The following PTPN14 variants were observed in gnomAD, a reference collection of about 807,000 sequenced individuals.
PTPN14 encodes the protein protein tyrosine phosphatase non-receptor type 14.
PTPN14 carries 53 observed loss-of-function variants against 126.8 expected under a neutral mutation model. The ratio of observed to expected loss-of-function variants is 0.42; its 90% CI spans 0.34 to 0.53. PTPN14 has a LOEUF of 0.53. Among genes scored for constraint, PTPN14 ranks in the 20% least tolerant of loss-of-function variants. The pLI, the probability that PTPN14 is intolerant of heterozygous loss-of-function variation, is 0.08. For missense variants in PTPN14, 1,257 were observed against 1,552.9 expected (o/e 0.81, Z 3.20); for synonymous variants, 630 against 599.3 (o/e 1.05, Z -0.75).
rs1439276235 is a variant in PTPN14, at chr1:214,351,353, C to T, written c.*6569G>A. 6.6e-6 allele frequency: 1 copy of T among 150,704 alleles called. No individual in the cohort carries two copies. The highest frequency in any genetic ancestry group is 1.5e-5 in the Non-Finnish European group (1 of 67,756). 9.3% of individuals were successfully genotyped at this position (150,704 alleles called of 1,614,324 possible). A position where few individuals can be genotyped will look rare whatever the true frequency, so the allele number is the denominator to read the frequency against. ...CAGCAGACCCTAAGTGAACAAGGTG[C>T]TCATGGAATGAAGAGGGTGACAGCA... On this transcript the variant is annotated 3_prime_UTR_variant, in exon 19 of 19. Coordinates refer to ENST00000366956, the MANE Select transcript of PTPN14 (RefSeq NM_005401.5).
intron 1 of PTPN14, among the ~76,000 whole-genome samples, chr1:214,541,227 G>C (rs1289740968): frequency 6.6e-6 from 1 of 152,124 alleles, no homozygotes; most frequent in African/African-American, 2.4e-5. Flanking sequence ...GAATCAGAAA[G>C]AGATTATGTG....
intron 15 of PTPN14, among the ~76,000 whole-genome samples, chr1:214,373,848 A>G (rs886814010): frequency 2.0e-5 from 3 of 152,182 alleles, no homozygotes; most frequent in Non-Finnish European, 2.9e-5. Context: ...TGCTCTTGTC[A>G]ACAGCATATA....
In PTPN14 at chr1:214,393,677, G is replaced by T. The variant is rs1390188593; in HGVS notation, c.929+18C>A. ...CTGACAAAGCCATCAAGTCGGGGGG[G>T]ATTAAATGTTTACTTACTCAGTGCA... On this transcript the variant is annotated intron_variant, in intron 10 of 18. Coordinates refer to ENST00000366956, the MANE Select transcript of PTPN14 (RefSeq NM_005401.5). 2.0e-6 allele frequency: 3 copies of T among 1,485,208 alleles called. No homozygotes were observed. Among genetic ancestry groups the T allele is most frequent in the East Asian group, 2.3e-5 (1 of 44,158 alleles). 92.0% of individuals were successfully genotyped at this position (1,485,208 alleles called of 1,614,324 possible).
At chr1:214,543,898 C>T (rs1233067435) in intron 1 of PTPN14, among the ~76,000 whole-genome samples, 5 of 152,144 alleles carry the variant, frequency 3.3e-5, no homozygotes, top group East Asian at 1.9e-4. Context: ...GGATTACAGG[C>T]GTGAGCCACT....
At chr1:214,417,542 A>G (rs889342561) in intron 3 of PTPN14, among the ~76,000 whole-genome samples, 1 of 152,212 alleles carries the variant, frequency 6.6e-6, no homozygotes, top group Non-Finnish European at 1.5e-5. Flanking sequence ...CTTTTGACAG[A>G]GTATCAAAGG....
At chr1:214,457,773 A>G (rs912900313) in intron 2 of PTPN14, among the ~76,000 whole-genome samples, 5 of 152,196 alleles carry the variant, frequency 3.3e-5, no homozygotes, top group African/African-American at 1.2e-4. Flanking sequence ...GTACTCAAAC[A>G]TACATATAAT....
chr1:214,474,984 T>G (rs1401413750), intron 1 of PTPN14, among the ~76,000 whole-genome samples: 2 of 152,140 alleles, frequency 1.3e-5, no homozygotes, highest in Non-Finnish European at 2.9e-5. Context: ...AAAATAATGT[T>G]GTCTGGGATT....
intron 1 of PTPN14, among the ~76,000 whole-genome samples, chr1:214,543,954 C>G (rs934718159): frequency 6.6e-6 from 1 of 152,202 alleles, no homozygotes; most frequent in Non-Finnish European, 1.5e-5. Context: ...AATTCATTAT[C>G]TGCAAAATGG....
At position 214,364,766 on chromosome 1, in the gene PTPN14, A is replaced by AGTGTGTGTGTGTGTGC. The variant is rs1553258557; in HGVS notation, c.3272-92_3272-91insGCACACACACACACAC. On this transcript the variant is annotated intron_variant, in intron 17 of 18. Transcript: ENST00000366956. The surrounding 1 kb of genome is among the most constrained non-coding windows in gnomAD (Gnocchi z 4.1). ...GGGGAGCGGAAGAGAACTGATGGTG[A>AGTGTGTGTGTGTGTGC]GTGTGTGTGTGTGTGTGTGTGTGTG... 19 of 591,988 alleles carry AGTGTGTGTGTGTGTGC rather than the reference A, an allele frequency of 3.2e-5. No homozygotes were observed. In the East Asian group the frequency reaches 5.2e-4, roughly 16 times the overall value. The allele number at this position is 591,988 out of a possible 1,614,324, so 36.7% of individuals were successfully genotyped here.
At chr1:214,484,880 TG>T (rs1661078054) in intron 1 of PTPN14, among the ~76,000 whole-genome samples, 1 of 152,136 alleles carries the variant, frequency 6.6e-6, no homozygotes, top group South Asian at 2.1e-4. Flanking sequence ...TTGGACAATG[TG>T]GAAAGTTATA....
chr1:214,533,140 A>G (rs1190970219), intron 1 of PTPN14: 16 of 750,976 alleles, frequency 2.1e-5, no homozygotes, highest in Non-Finnish European at 3.5e-5. Context: ...CAGCTTGGAG[A>G]ACAGCCTGAG....
At chr1:214,370,280 CAAAAAA>C (rs561271706) in intron 16 of PTPN14, among the ~76,000 whole-genome samples, 8 of 97,448 alleles carry the variant, frequency 8.2e-5, no homozygotes, top group African/African-American at 3.0e-4. Context: ...GATTCCATCT[CAAAAAA>C]AAAAAAAAAA....
intron 1 of PTPN14, among the ~76,000 whole-genome samples, chr1:214,526,962 A>T (rs1044293298): frequency 7.2e-5 from 11 of 152,096 alleles, no homozygotes; most frequent in Non-Finnish European, 1.2e-4. Flanking sequence ...ATGGTGGCAC[A>T]TGCCTGTAAT....
At chr1:214,549,257 G>A (rs1340973190) in intron 1 of PTPN14, among the ~76,000 whole-genome samples, 1 of 152,238 alleles carries the variant, frequency 6.6e-6, no homozygotes, top group Non-Finnish European at 1.5e-5. Context: ...GGCAAACCAC[G>A]TACAGAATGC....
chr1:214,391,101 A>G, intron 10 of PTPN14, 56 bp from the exon 11 acceptor site: 1 of 1,307,932 alleles, frequency 7.6e-7, no homozygotes, highest in Non-Finnish European at 1.1e-6. Context: ...TAAAAAGACC[A>G]GATAGACAAG....
At chr1:214,392,461 A>T (rs940557149) in intron 10 of PTPN14, among the ~76,000 whole-genome samples, 1 of 152,184 alleles carries the variant, frequency 6.6e-6, no homozygotes, top group East Asian at 1.9e-4. Context: ...AAATCAGAAG[A>T]CAAGAGTAAA....
At chr1:214,484,686 C>G (rs1362093405) in intron 1 of PTPN14, among the ~76,000 whole-genome samples, 1 of 152,080 alleles carries the variant, frequency 6.6e-6, no homozygotes, top group African/African-American at 2.4e-5. Flanking sequence ...CACAAGGTAC[C>G]AGGTGTTTTG....
chr1:214,476,065 G>A (rs1660860330), intron 1 of PTPN14, among the ~76,000 whole-genome samples: 1 of 152,124 alleles, frequency 6.6e-6, no homozygotes, highest in Non-Finnish European at 1.5e-5. Flanking sequence ...ATGGTGGAGG[G>A]GGCCCTGAGG....
At chr1:214,445,321 C>T (rs1432053889) in intron 3 of PTPN14, among the ~76,000 whole-genome samples, 1 of 152,166 alleles carries the variant, frequency 6.6e-6, no homozygotes, top group Non-Finnish European at 1.5e-5. Context: ...TAAAATCATC[C>T]TTGGCAAATG....
Sources: gnomAD v4.1 joint callset for allele counts (sites outside exome capture counted in the v4.1 genomes callset) on GRCh38, gnomAD v4.1.1 for gene constraint, Gnocchi (gnomAD v3.1) non-coding constraint, MANE v1.5 for transcripts, NCBI Gene and HGNC (gene_info 2026-07-23, HGNC 2026-07-21) for gene names.